HSD17B12: variants seen among roughly 807,000 people sequenced by gnomAD.
HSD17B12 encodes very-long-chain 3-oxoacyl-CoA reductase.
In HSD17B12, 32 loss-of-function variants were observed where a neutral mutation model predicts 39.3. The ratio of observed to expected loss-of-function variants is 0.81; its 90% CI spans 0.61 to 1.09. The LOEUF (loss-of-function observed/expected upper bound fraction) is 1.09. HSD17B12 is among the 50% of genes least tolerant of loss of function. HSD17B12 has a pLI of 0.00. For synonymous variants in HSD17B12, 150 were observed against 146.7 expected, an observed-to-expected ratio of 1.02 and a Z score of -0.16; for missense variants, 342 against 382.9, an observed-to-expected ratio of 0.89 and a Z score of 0.89.
At chr11:43,711,147 C>T (rs1950061681) in intron 1 of HSD17B12, among the ~76,000 whole-genome samples, 1 of 152,120 alleles carries the variant, frequency 6.6e-6, no homozygotes, top group South Asian at 2.1e-4. Context: ...CTTAGAAACT[C>T]TTTGAAAATT....
intron 1 of HSD17B12, chr11:43,734,328 C>G (rs979856474): frequency 1.5e-5 from 15 of 1,023,448 alleles, no homozygotes; most frequent in Non-Finnish European, 2.3e-5. Context: ...CAGCAGGAAG[C>G]AGAGAGGGCC....
chr11:43,579,442 C>CGGCA, the HSD17B12 span: 2 of 152,688 alleles, frequency 1.3e-5, no homozygotes, highest in Admixed American at 6.5e-5. Flanking sequence ...GGGAGCGGGC[C>CGGCA]GGCAGGAGAG....
chr11:43,686,410 A>G (rs1487340809), intron 1 of HSD17B12, among the ~76,000 whole-genome samples: 1 of 152,172 alleles, frequency 6.6e-6, no homozygotes, highest in African/African-American at 2.4e-5. Flanking sequence ...TTCAAGTACT[A>G]GTGCTGGAGT....
At position 43,768,764 on chromosome 11, in the gene HSD17B12, G is replaced by T. The variant is rs117735198; in HGVS notation, c.283+14643G>T. On this transcript the variant is annotated intron_variant, in intron 3 of 10. Coordinates refer to ENST00000278353, the MANE Select transcript of HSD17B12 (RefSeq NM_016142.3). Reference sequence around the variant, plus strand: ...CCACAGCACAGAAGGAGACCAGAGCGGGTTGCCGTGGCTGGCTCTGGTGGC... The same window carrying T: ...CCACAGCACAGAAGGAGACCAGAGCTGGTTGCCGTGGCTGGCTCTGGTGGC... Among the ~76,000 whole-genome samples the T allele has an allele frequency of 9.1e-3, 1,380 of 152,300 alleles. 13 individuals are homozygous for T. Among genetic ancestry groups the T allele is most frequent in the Middle Eastern group, 0.078 (23 of 294 alleles).
chr11:43,769,369 A>C (rs1950628229), intron 3 of HSD17B12, among the ~76,000 whole-genome samples: 1 of 152,252 alleles, frequency 6.6e-6, no homozygotes, highest in Non-Finnish European at 1.5e-5. Flanking sequence ...TCTTACAGTA[A>C]TATTTTAAAT....
At chr11:43,606,222 C>T in the HSD17B12 span, among the ~76,000 whole-genome samples, 1 of 152,216 alleles carries the variant, frequency 6.6e-6, no homozygotes, top group Non-Finnish European at 1.5e-5. Context: ...TCCTGATGTA[C>T]TCATATCGTT....
chr11:43,632,944 GAAA>G, the HSD17B12 span, among the ~76,000 whole-genome samples: 1,308 of 151,588 alleles, frequency 8.6e-3, 17 homozygotes, highest in African/African-American at 0.029. Flanking sequence ...TATTTAAAAA[GAAA>G]AAAAACAGAG....
the HSD17B12 span, among the ~76,000 whole-genome samples, chr11:43,561,745 GAAAA>G: frequency 2.0e-5 from 3 of 151,986 alleles, no homozygotes; most frequent in Non-Finnish European, 1.5e-5. Context: ...GAAAGAAAAA[GAAAA>G]AGAATTATTC....
chr11:43,596,210 T>A, the HSD17B12 span, among the ~76,000 whole-genome samples: 1 of 152,032 alleles, frequency 6.6e-6, no homozygotes, highest in Non-Finnish European at 1.5e-5. Flanking sequence ...CCGTTTTACA[T>A]AAGGAAAACT....
At chr11:43,686,886 G>T (rs572451266) in intron 1 of HSD17B12, among the ~76,000 whole-genome samples, 2 of 152,228 alleles carry the variant, frequency 1.3e-5, no homozygotes, top group Non-Finnish European at 2.9e-5. Context: ...TTGATATCTG[G>T]GTGACTACAT....
At chr11:43,610,684 A>G in the HSD17B12 span, among the ~76,000 whole-genome samples, 1 of 152,166 alleles carries the variant, frequency 6.6e-6, no homozygotes, top group Non-Finnish European at 1.5e-5. Flanking sequence ...GATGTACAAG[A>G]TACTTTGCAG....
At chr11:43,731,967 A>G (rs565413768) in intron 1 of HSD17B12, among the ~76,000 whole-genome samples, 49 of 152,268 alleles carry the variant, frequency 3.2e-4, no homozygotes, top group African/African-American at 1.1e-3. Context: ...TCCTCTGTAG[A>G]CTGGCCAGAA....
intron 1 of HSD17B12, among the ~76,000 whole-genome samples, chr11:43,692,737 A>G (rs1949874231): frequency 6.6e-6 from 1 of 152,210 alleles, no homozygotes. Context: ...TAATTTTGAA[A>G]TTGTGATAAA....
chr11:43,601,555 A>G, the HSD17B12 span, among the ~76,000 whole-genome samples: 1 of 149,416 alleles, frequency 6.7e-6, no homozygotes, highest in Admixed American at 6.7e-5. Flanking sequence ...AGAAGGACTC[A>G]CCTGAGAGCA....
chr11:43,631,802 A>G, the HSD17B12 span, among the ~76,000 whole-genome samples: 1 of 151,994 alleles, frequency 6.6e-6, no homozygotes, highest in African/African-American at 2.4e-5. Flanking sequence ...CTGATACCCT[A>G]TTGGTATTTG....
At chr11:43,685,286 C>CTTTGCTTAGCCATGCTCAGGA (rs56119404) in intron 1 of HSD17B12, among the ~76,000 whole-genome samples, 2 of 152,106 alleles carry the variant, frequency 1.3e-5, no homozygotes, top group Admixed American at 1.3e-4. Context: ...TGAAAACATG[C>CTTTGCTTAGCCATGCTCAGGA]ATCAAAGGAT....
chr11:43,574,567 C>A, the HSD17B12 span, among the ~76,000 whole-genome samples: 2 of 152,064 alleles, frequency 1.3e-5, no homozygotes, highest in South Asian at 2.1e-4. Flanking sequence ...ATCAAGAAAC[C>A]CTTTGTCATG....
the HSD17B12 span, among the ~76,000 whole-genome samples, chr11:43,580,263 C>A: frequency 6.6e-6 from 1 of 151,960 alleles, no homozygotes; most frequent in African/African-American, 2.4e-5. Flanking sequence ...TCCCTCCCCT[C>A]CTTTCTTCCT....
the HSD17B12 span, among the ~76,000 whole-genome samples, chr11:43,572,043 T>C: frequency 6.6e-6 from 1 of 152,182 alleles, no homozygotes; most frequent in Non-Finnish European, 1.5e-5. Context: ...AAGGTGCATG[T>C]AGACTTTCTG....
Sources: allele counts gnomAD v4.1 joint callset (sites outside exome capture counted in the v4.1 genomes callset), GRCh38; gene constraint gnomAD v4.1.1; transcripts MANE v1.5; gene names NCBI Gene and HGNC (gene_info 2026-07-23, HGNC 2026-07-21).